DRC1: variants seen among roughly 807,000 people sequenced by gnomAD.
The protein encoded by DRC1 is dynein regulatory complex protein 1.
DRC1 carries 74 observed loss-of-function variants against 98.7 expected under a neutral mutation model. The ratio of observed to expected loss-of-function variants is 0.75; its 90% CI spans 0.62 to 0.91. The LOEUF is 0.91. DRC1 is among the 40% of genes least tolerant of loss of function. DRC1 has a pLI of 0.00. For synonymous variants in DRC1, 336 were observed against 334.1 expected (o/e 1.01, Z -0.06); for missense variants, 875 against 886.0 (o/e 0.99, Z 0.16).
Position 26,453,501 on chromosome 2 carries a change from A to G in DRC1, c.1871A>G (p.Asp624Gly). 6.2e-7 allele frequency: 1 copy of G among 1,614,170 alleles called. No individual in the cohort carries two copies. Among genetic ancestry groups the G allele is most frequent in the Non-Finnish European group, 8.5e-7 (1 of 1,180,038 alleles). The change falls in exon 14 of 17, where the codon GAT (aspartate) becomes GGT (glycine). Residue 624 changes from aspartate (D) to glycine (G), a missense_variant. By Grantham distance (94) the Asp-to-Gly change is moderately conservative. Transcript: ENST00000288710. ...PPSPWVIHPN[D>G]VLKILEAFVM... is the part of the protein sequence containing the mutation. Reference sequence around the variant, plus strand: ...TCCCCCTGGGTCATCCACCCCAATGATGTCCTCAAGATTCTGGAGGCCTTC... The same window carrying G: ...TCCCCCTGGGTCATCCACCCCAATGGTGTCCTCAAGATTCTGGAGGCCTTC...
At chr2:26,421,129 G>T in intron 2 of DRC1, 159 bp from the exon 3 acceptor site, 1 of 533,142 alleles carries the variant, frequency 1.9e-6, no homozygotes, top group Non-Finnish European at 3.3e-6. Flanking sequence ...TGATAGAAAA[G>T]GGTTGCTACA....
Position 26,454,671 on chromosome 2 carries a change from A to C in DRC1, c.1944A>C (p.Val648=). 6.2e-7 allele frequency: 1 copy of C among 1,614,024 alleles called. No individual in the cohort carries two copies. The highest frequency in any genetic ancestry group is 8.5e-7 in the Non-Finnish European group (1 of 1,180,002). The change falls in exon 15 of 17, where the codon GTA becomes GTC. Residue 648 remains valine, a synonymous_variant. Coordinates refer to ENST00000288710, the MANE Select transcript of DRC1 (RefSeq NM_145038.5). The surrounding 1 kb of genome is among the most constrained non-coding windows in gnomAD (Gnocchi z 5.2). ...KPRDSRAPLR[V]QKNVRDNSKD... ...GGGACTCGCGGGCCCCGCTGAGGGT[A>C]CAGAAGAATGTGCGTGACAACTCCA... is the stretch of plus-strand genomic sequence containing the variant.
intron 16 of DRC1, among the ~76,000 whole-genome samples, chr2:26,455,789 C>T (rs889747830): frequency 3.9e-5 from 6 of 152,250 alleles, no homozygotes; most frequent in African/African-American, 1.4e-4. Flanking sequence ...CATCTGTGCC[C>T]AACCCTGCAA....
At chr2:26,439,936 TACACACACACATACAC>T (rs1399260668) in intron 7 of DRC1, among the ~76,000 whole-genome samples, 1 of 75,466 alleles carries the variant, frequency 1.3e-5, no homozygotes, top group Admixed American at 1.1e-4. Flanking sequence ...TATATATATA[TACACACACACATACAC>T]ACACACACAC....
intron 2 of DRC1, among the ~76,000 whole-genome samples, chr2:26,415,178 T>C (rs908726445): frequency 2.0e-5 from 3 of 152,064 alleles, no homozygotes; most frequent in Admixed American, 2.0e-4. Flanking sequence ...TTGATTACCC[T>C]CCATGGCGAT....
rs1444990213 is a variant in DRC1, at chr2:26,444,813, A to G, written c.1261A>G (p.Arg421Gly). ...DLIARAFDVDRIIHTHHLGLP... is the reference protein window; with the variant it reads ...DLIARAFDVDGIIHTHHLGLP... The stretch of plus-strand genomic sequence containing the variant: ...AATAGCCAGAGCCTTTGATGTGGAC[A>G]GGATCATCCACACCCATCATCTGGG... Residue 421 changes from arginine to glycine, a missense_variant, in exon 10 of 17, where the codon AGG becomes GGG. Physicochemically the swap from Arg to Gly is moderately radical, Grantham distance 125. Coordinates refer to ENST00000288710, the MANE Select transcript of DRC1 (RefSeq NM_145038.5). 1.2e-6 allele frequency: 2 copies of G among 1,614,104 alleles called. No individual in the cohort carries two copies. The highest frequency in any genetic ancestry group is 2.7e-5 in the African/African-American group (2 of 74,924).
rs772316882 is a variant in DRC1, at chr2:26,430,824, T to G, written c.717T>G (p.Ser239Arg). The change falls in exon 6 of 17, where the codon AGT (serine) becomes AGG (arginine). Residue 239 changes from serine to arginine, a missense_variant. Physicochemically the swap from Ser to Arg is moderately radical, Grantham distance 110 (BLOSUM62 -1). Coordinates refer to ENST00000288710, the MANE Select transcript of DRC1 (RefSeq NM_145038.5). The part of the protein sequence containing the change: ...FEVERQELLA[S>R]NKKKWEQALQ... Reference sequence around the variant, plus strand: ...TGGAACGCCAAGAGCTACTGGCCAGTAATAAGAAGAAATGGGAGCAAGCCC... The same window carrying G: ...TGGAACGCCAAGAGCTACTGGCCAGGAATAAGAAGAAATGGGAGCAAGCCC... 3.1e-6 allele frequency: 5 copies of G among 1,614,030 alleles called. No homozygotes were observed. In the South Asian group the frequency reaches 5.5e-5, roughly 18 times the overall value.
intron 1 of DRC1, among the ~76,000 whole-genome samples, chr2:26,404,474 C>T (rs1477270869): frequency 6.6e-6 from 1 of 152,204 alleles, no homozygotes; most frequent in Non-Finnish European, 1.5e-5. Flanking sequence ...TGCATAGATG[C>T]TGTGTTCAGG....
At chr2:26,411,482 CATGTGGTT>C (rs1678607383) in intron 1 of DRC1, among the ~76,000 whole-genome samples, 1 of 152,192 alleles carries the variant, frequency 6.6e-6, no homozygotes, top group South Asian at 2.1e-4. Flanking sequence ...TTTATAGCCA[CATGTGGTT>C]ATTGGCTACC....
chr2:26,456,260 G>A (rs1235518633), intron 16 of DRC1, among the ~76,000 whole-genome samples: 1 of 152,226 alleles, frequency 6.6e-6, no homozygotes, highest in African/African-American at 2.4e-5. Context: ...AGAGGTCACA[G>A]CTGGAGCAGA....
At chr2:26,413,121 T>C (rs527995232) in intron 1 of DRC1, among the ~76,000 whole-genome samples, 1 of 152,350 alleles carries the variant, frequency 6.6e-6, no homozygotes, top group East Asian at 1.9e-4. Flanking sequence ...ATAGTCTACA[T>C]ATTTTTCTAA....
intron 7 of DRC1, among the ~76,000 whole-genome samples, chr2:26,433,238 C>T (rs1314489291): frequency 6.6e-6 from 1 of 152,186 alleles, no homozygotes; most frequent in African/African-American, 2.4e-5. Flanking sequence ...AATGTAATTG[C>T]ATCTTAATAT....
At chr2:26,448,012 T>G (rs4072406) in intron 10 of DRC1, among the ~76,000 whole-genome samples, 21 of 150,578 alleles carry the variant, frequency 1.4e-4, no homozygotes, top group Non-Finnish European at 2.4e-4. Context: ...ATCACTTGAG[T>G]TCAGGAGTTC....
chr2:26,429,846 G>A, intron 5 of DRC1, 81 bp downstream of exon 5: 2 of 1,477,746 alleles, frequency 1.4e-6, no homozygotes, highest in Non-Finnish European at 1.8e-6. Context: ...ATAATCTAAG[G>A]AGGGCCCTAC....
At chr2:26,439,675 C>G (rs896689452) in intron 7 of DRC1, among the ~76,000 whole-genome samples, 4 of 151,878 alleles carry the variant, frequency 2.6e-5, no homozygotes, top group African/African-American at 4.8e-5. Flanking sequence ...CTACTCATAT[C>G]TCTAAAGGGT....
At chr2:26,415,337 G>A (rs1364261026) in intron 2 of DRC1, among the ~76,000 whole-genome samples, 1 of 152,200 alleles carries the variant, frequency 6.6e-6, no homozygotes, top group East Asian at 1.9e-4. Context: ...CACCAAGCTG[G>A]CCTGGTCAGG....
intron 7 of DRC1, 69 bp downstream of exon 7, chr2:26,432,075 A>G: frequency 6.4e-7 from 1 of 1,552,184 alleles, no homozygotes; most frequent in South Asian, 1.2e-5. Flanking sequence ...TGAATGTTTC[A>G]TATTTAGCAA....
At chr2:26,431,822 C>A (rs763905182) in intron 6 of DRC1, 62 bp from the exon 7 acceptor site, 1 of 1,599,070 alleles carries the variant, frequency 6.3e-7, no homozygotes, top group Non-Finnish European at 8.5e-7. Context: ...GCAGGCCATC[C>A]GAAGGATTGA....
At chr2:26,430,142 G>A (rs113860244) in intron 5 of DRC1, among the ~76,000 whole-genome samples, 2,089 of 152,270 alleles carry the variant, frequency 0.014, 15 homozygotes, top group Non-Finnish European at 0.023. Flanking sequence ...AAAAAAGGGG[G>A]ATTAGCACTC....
Sources: gnomAD v4.1 joint callset for allele counts (sites outside exome capture counted in the v4.1 genomes callset) on GRCh38, gnomAD v4.1.1 for gene constraint, Gnocchi (gnomAD v3.1) non-coding constraint, MANE v1.5 for transcripts, NCBI Gene and HGNC (gene_info 2026-07-23, HGNC 2026-07-21) for gene names.